The following TUB variants were observed in gnomAD, a reference collection of about 807,000 sequenced individuals.
TUB encodes the protein tubby protein homolog.
A neutral mutation model predicts 59.7 loss-of-function variants in TUB; 33 were observed. The observed-to-expected ratio is 0.55, with a 90% CI of 0.42 to 0.74. The LOEUF (loss-of-function observed/expected upper bound fraction) is 0.74. Ranked by LOEUF, TUB falls within the 30% of genes least tolerant of loss-of-function variation. The probability of loss-of-function intolerance (pLI) is 0.00; values close to 1 mark genes in which losing one functional copy is unlikely to be tolerated. For missense variants in TUB, 659 were observed against 672.0 expected (o/e 0.98, Z 0.21); for synonymous variants, 293 against 256.4 (o/e 1.14, Z -1.36).
upstream of TUB, chr11:8,076,931 T>A (rs1286947938): frequency 6.6e-6 from 1 of 152,220 alleles, no homozygotes; most frequent in African/African-American, 2.4e-5. Context: ...AGCCTATTTA[T>A]CTCAATCATC....
exon 1 of TUB, chr11:8,038,862 C>T (rs1277415466): frequency 1.2e-6 from 2 of 1,613,504 alleles, no homozygotes. Flanking sequence ...CCCACTCCAT[C>T]CTGTGGCCAC....
rs1416344532 is a variant in TUB, at chr11:8,087,215, G to A, written c.39-2395G>A. On this transcript the variant is annotated intron_variant, in intron 1 of 11. Transcript: ENST00000299506. ...CTGCTGTGACCCAGCATTTCCGGAG[G>A]TGGCATTGCTGATGTGAGTCTTACC... Among the ~76,000 whole-genome samples, 5 of 152,348 alleles carry A rather than the reference G, an allele frequency of 3.3e-5. No homozygotes were observed. The East Asian group carries it at 7.7e-4, about 24-fold the overall frequency.
At chr11:8,093,809 T>C (rs968489471) in intron 3 of TUB, among the ~76,000 whole-genome samples, 1 of 152,208 alleles carries the variant, frequency 6.6e-6, no homozygotes, top group African/African-American at 2.4e-5. Context: ...GGTCTGGCTG[T>C]TGACTTGATT....
intron 2 of TUB, chr11:8,039,741 A>G: frequency 1.4e-6 from 2 of 1,446,524 alleles, no homozygotes; most frequent in East Asian, 5.2e-5. Flanking sequence ...AGGGCCAACC[A>G]CAGGAGACTG....
intron 9 of TUB, among the ~76,000 whole-genome samples, chr11:8,100,047 T>C (rs758845284): frequency 1.3e-4 from 20 of 152,194 alleles, no homozygotes; most frequent in Non-Finnish European, 2.5e-4. Flanking sequence ...GGCTGCTGTG[T>C]TGAGAACAGA....
upstream of TUB, among the ~76,000 whole-genome samples, chr11:8,080,860 T>G (rs1322240087): frequency 1.3e-5 from 2 of 152,184 alleles, no homozygotes; most frequent in Non-Finnish European, 2.9e-5. Flanking sequence ...ACTGGATTCC[T>G]TCTCCATCCG....
intron 3 of TUB, among the ~76,000 whole-genome samples, chr11:8,092,105 CTG>C (rs760084434): frequency 1.2e-4 from 19 of 152,344 alleles, no homozygotes; most frequent in African/African-American, 3.8e-4. Context: ...ATCAGAAAGA[CTG>C]TGGTACAACT....
intron 2 of TUB, chr11:8,068,218 C>T (rs56103249): frequency 0.36 from 54,726 of 152,336 alleles, 10,160 homozygotes; most frequent in East Asian, 0.46. Context: ...CTTTTCCTGC[C>T]GCTGTGCTGT....
intron 1 of TUB, chr11:8,039,176 AG>A (rs1250102851): frequency 9.3e-7 from 1 of 1,070,676 alleles, no homozygotes; most frequent in Non-Finnish European, 1.3e-6. Context: ...GGAGCCCCAC[AG>A]GTATATCCCC....
chr11:8,101,526 T>C lies in TUB; in HGVS notation c.1428T>C (p.Asp476=). ...IVMQFGRVAE[D]VFTMDYNYPL... ...TGCAGTTTGGCCGGGTAGCAGAGGA[T>C]GTGTTCACCATGGATTACAACTACC... is the stretch of plus-strand genomic sequence containing the variant. The change falls in exon 12 of 12, where the codon GAT becomes GAC. Residue 476 remains aspartate (D), a synonymous_variant. Coordinates refer to ENST00000299506, the MANE Select transcript of TUB (RefSeq NM_177972.3). The C allele has an allele frequency of 6.2e-7, 1 of 1,614,228 alleles. No homozygotes were observed. Among genetic ancestry groups the C allele is most frequent in the South Asian group, 1.1e-5 (1 of 91,078 alleles).
intron 1 of TUB, among the ~76,000 whole-genome samples, chr11:8,086,690 C>G (rs1943673756): frequency 6.6e-6 from 1 of 152,126 alleles, no homozygotes; most frequent in African/African-American, 2.4e-5. Flanking sequence ...AGTGTAGACC[C>G]TCCTAGCTGG....
chr11:8,101,687 G>A lies in TUB; in HGVS notation c.*68G>A, dbSNP rs552420356. The A allele has an allele frequency of 9.9e-5, 157 of 1,579,454 alleles. 4 individuals carry two copies. In the South Asian group the frequency reaches 1.7e-3, roughly 18 times the overall value. ...GCTTGCCTGCCTGCCTGTGGAGACAGCCCTGCCTATCCTCTGTATATAGGC... is the reference window on the plus strand; with the variant it reads ...GCTTGCCTGCCTGCCTGTGGAGACAACCCTGCCTATCCTCTGTATATAGGC... On this transcript the variant is annotated 3_prime_UTR_variant, in exon 12 of 12. Coordinates refer to ENST00000299506, the MANE Select transcript of TUB (RefSeq NM_177972.3).
chr11:8,036,336 C>G (rs549814093), upstream of TUB, among the ~76,000 whole-genome samples: 1 of 152,314 alleles, frequency 6.6e-6, no homozygotes, highest in African/African-American at 2.4e-5. Context: ...GTAAGTCATT[C>G]TATTTTCCTG....
At chr11:8,030,704 A>G (rs1268714409) in intron 1 of TUB, among the ~76,000 whole-genome samples, 1 of 152,308 alleles carries the variant, frequency 6.6e-6, no homozygotes, top group Non-Finnish European at 1.5e-5. Context: ...CCCTAGTGTC[A>G]GAATGAGGAG....
chr11:8,020,730 C>G (rs1211477878), intron 1 of TUB, among the ~76,000 whole-genome samples: 1 of 152,210 alleles, frequency 6.6e-6, no homozygotes, highest in Non-Finnish European at 1.5e-5. Flanking sequence ...TTCCAGTGCA[C>G]CTGCCTTTTT....
intron 8 of TUB, 37 bp from the exon 9 acceptor site, chr11:8,098,721 G>A: frequency 6.8e-7 from 1 of 1,473,236 alleles, no homozygotes. Flanking sequence ...TGGGGCAGAG[G>A]GTGCATGACT....
intron 2 of TUB, among the ~76,000 whole-genome samples, chr11:8,066,935 C>T (rs910233392): frequency 1.3e-5 from 2 of 152,136 alleles, no homozygotes; most frequent in Non-Finnish European, 2.9e-5. Flanking sequence ...CAGCCCATTA[C>T]CTCCCCCAAA....
chr11:8,101,850 T>TAATGATACGGCG lies in TUB; in HGVS notation c.*231_*232insAATGATACGGCG. ...GGTGTGAAGGGATGAGAATAATTCT[T>TAATGATACGGCG]TCCATGCCACGAGATCAACACACAC... is the stretch of plus-strand genomic sequence containing the variant. On this transcript the variant is annotated 3_prime_UTR_variant, in exon 12 of 12. Transcript: ENST00000299506. 6.2e-6 allele frequency: 3 copies of TAATGATACGGCG among 482,830 alleles called. No individual in the cohort carries two copies. Among genetic ancestry groups the TAATGATACGGCG allele is most frequent in the South Asian group, 7.1e-5 (2 of 28,150 alleles). The allele number at this position is 482,830 out of a possible 1,614,324, so 29.9% of individuals were successfully genotyped here.
chr11:8,075,421 T>C (rs975671884), intron 2 of TUB, among the ~76,000 whole-genome samples: 1 of 152,228 alleles, frequency 6.6e-6, no homozygotes, highest in Non-Finnish European at 1.5e-5. Flanking sequence ...ACCTTTTAGT[T>C]GCTTCATTTG....
Sources: allele counts gnomAD v4.1 joint callset (sites outside exome capture counted in the v4.1 genomes callset), GRCh38; gene constraint gnomAD v4.1.1; transcripts MANE v1.5; gene names NCBI Gene and HGNC (gene_info 2026-07-23, HGNC 2026-07-21).